SYNPR: variants seen among roughly 807,000 people sequenced by gnomAD.
SYNPR encodes the protein synaptoporin.
Under a neutral mutation model 32.9 loss-of-function variants are expected in SYNPR, and 23 were observed. That is an observed-to-expected ratio of 0.70 (90% confidence interval 0.50 to 0.99). SYNPR has a LOEUF of 0.99. Among genes scored for constraint, SYNPR ranks in the 50% least tolerant of loss-of-function variants. The pLI, the probability that SYNPR is intolerant of heterozygous loss-of-function variation, is 0.00. For missense variants in SYNPR, 318 were observed against 349.3 expected (o/e 0.91, Z 0.71); for synonymous variants, 146 against 135.9 (o/e 1.07, Z -0.52).
intron 4 of SYNPR, among the ~76,000 whole-genome samples, chr3:63,581,498 T>A (rs560995816): frequency 1.3e-5 from 2 of 152,054 alleles, no homozygotes; most frequent in Non-Finnish European, 2.9e-5. Flanking sequence ...CACGCACACA[T>A]AAGAAAGATG....
chr3:63,316,252 A>T (rs1033254825), intron 2 of SYNPR, among the ~76,000 whole-genome samples: 1 of 152,020 alleles, frequency 6.6e-6, no homozygotes, highest in African/African-American at 2.4e-5. Flanking sequence ...GCTTCATAAA[A>T]TGAATTTGGG....
intron 5 of SYNPR, 104 bp from the exon 6 acceptor site, chr3:63,615,120 A>C: frequency 7.3e-7 from 1 of 1,364,562 alleles, no homozygotes; most frequent in Non-Finnish European, 9.9e-7. Context: ...CTCAACATTA[A>C]AGTGAAAAGT....
chr3:63,247,523 T>A (rs1188574976), intron 1 of SYNPR, among the ~76,000 whole-genome samples: 1 of 152,094 alleles, frequency 6.6e-6, no homozygotes, highest in African/African-American at 2.4e-5. Context: ...CGTCTCTGCC[T>A]ATGGAGTGTG....
At chr3:63,443,416 A>T in intron 2 of SYNPR, 1 of 1,602,158 alleles carries the variant, frequency 6.2e-7, no homozygotes, top group South Asian at 1.1e-5. Context: ...CTTTCAGGAG[A>T]GGGAAGTTGG....
At chr3:63,309,938 GGTGT>G (rs2086946574) in intron 2 of SYNPR, among the ~76,000 whole-genome samples, 1 of 151,818 alleles carries the variant, frequency 6.6e-6, no homozygotes, top group African/African-American at 2.4e-5. Flanking sequence ...CTGCTTTGTG[GGTGT>G]CTGAGACGGT....
intron 2 of SYNPR, among the ~76,000 whole-genome samples, chr3:63,437,920 C>A (rs1359879053): frequency 2.0e-5 from 3 of 152,200 alleles, no homozygotes; most frequent in African/African-American, 7.2e-5. Flanking sequence ...ATTAGTTCAG[C>A]CTGCTGGGAC....
chr3:63,264,385 C>T (rs1420425169), intron 2 of SYNPR, among the ~76,000 whole-genome samples: 1 of 145,848 alleles, frequency 6.9e-6, no homozygotes, highest in Non-Finnish European at 1.5e-5. Context: ...GGCACTCTTA[C>T]AAGCCTGTTT....
At chr3:63,273,697 A>G (rs1422537512), upstream of SYNPR, among the ~76,000 whole-genome samples, 3 of 152,204 alleles carry the variant, frequency 2.0e-5, no homozygotes, top group African/African-American at 4.8e-5. Context: ...TTTTTATATC[A>G]GTTGTATTTG....
intron 2 of SYNPR, among the ~76,000 whole-genome samples, chr3:63,365,478 C>T (rs1005557664): frequency 8.6e-5 from 13 of 151,962 alleles, no homozygotes; most frequent in Admixed American, 6.6e-4. Context: ...CATAGAGGTT[C>T]GCATAAGAAG....
At chr3:63,217,818 G>A in the SYNPR span, among the ~76,000 whole-genome samples, 10,332 of 152,072 alleles carry the variant, frequency 0.068, 415 homozygotes, top group South Asian at 0.089. Flanking sequence ...TAAATTTTGG[G>A]TAGAGTTCTC....
chr3:63,514,966 T>C (rs1701768443), intron 3 of SYNPR, among the ~76,000 whole-genome samples: 1 of 152,140 alleles, frequency 6.6e-6, no homozygotes, highest in Non-Finnish European at 1.5e-5. Flanking sequence ...TCAGTAATCC[T>C]GAGTGGCAGG....
At chr3:63,271,129 C>T (rs2086533244) in intron 3 of SYNPR, among the ~76,000 whole-genome samples, 1 of 151,796 alleles carries the variant, frequency 6.6e-6, no homozygotes, top group Admixed American at 6.6e-5. Context: ...TGTAATTGTA[C>T]CTTTCTTCTG....
intron 4 of SYNPR, among the ~76,000 whole-genome samples, chr3:63,595,580 C>T (rs1699918105): frequency 6.7e-6 from 1 of 150,132 alleles, no homozygotes; most frequent in South Asian, 2.1e-4. Context: ...TGTGTTCTTA[C>T]TCATAAAATA....
chr3:63,605,489 T>TA (rs1196054208), intron 4 of SYNPR, among the ~76,000 whole-genome samples: 1 of 152,236 alleles, frequency 6.6e-6, no homozygotes, highest in African/African-American at 2.4e-5. Flanking sequence ...CATTTCCTCT[T>TA]ACAGCCATTC....
At chr3:63,608,407 A>G (rs1700153614) in intron 4 of SYNPR, among the ~76,000 whole-genome samples, 1 of 152,172 alleles carries the variant, frequency 6.6e-6, no homozygotes. Context: ...TCCTCTTTAA[A>G]ATGGGCATAA....
intron 4 of SYNPR, among the ~76,000 whole-genome samples, chr3:63,576,661 C>T (rs766870917): frequency 4.0e-5 from 6 of 151,546 alleles, no homozygotes; most frequent in Non-Finnish European, 7.4e-5. Flanking sequence ...CATGGTAGCA[C>T]GTGCCTGTAG....
At chr3:63,253,443 T>C (rs369885225) in intron 2 of SYNPR, among the ~76,000 whole-genome samples, 42 of 152,334 alleles carry the variant, frequency 2.8e-4, no homozygotes, top group East Asian at 2.5e-3. Context: ...GAAATAATAA[T>C]TTTGATGAAT....
At chr3:63,565,258 G>C (rs934964094) in intron 4 of SYNPR, among the ~76,000 whole-genome samples, 3 of 152,096 alleles carry the variant, frequency 2.0e-5, no homozygotes, top group African/African-American at 7.2e-5. Flanking sequence ...ACCCCCTGCC[G>C]CTGTCTTAAG....
intron 2 of SYNPR, among the ~76,000 whole-genome samples, chr3:63,409,720 T>A (rs1159486207): frequency 6.6e-6 from 1 of 152,198 alleles, no homozygotes; most frequent in African/African-American, 2.4e-5. Context: ...TTGTCCTTAT[T>A]TTACAGATGG....
Sources: allele counts gnomAD v4.1 joint callset (sites outside exome capture counted in the v4.1 genomes callset), GRCh38; gene constraint gnomAD v4.1.1; transcripts MANE v1.5; gene names NCBI Gene and HGNC (gene_info 2026-07-23, HGNC 2026-07-21).